KPNB1: variants seen among roughly 807,000 people sequenced by gnomAD.
KPNB1 encodes importin subunit beta-1.
KPNB1 carries 7 observed loss-of-function variants against 113.0 expected under a neutral mutation model. The ratio of observed to expected loss-of-function variants is 0.06; its 90% CI spans 0.04 to 0.12. The LOEUF is 0.12. KPNB1 is among the 10% of genes least tolerant of loss of function. The probability of loss-of-function intolerance (pLI) is 1.00; values close to 1 mark genes in which losing one functional copy is unlikely to be tolerated. For missense variants in KPNB1, 400 were observed against 1,054.8 expected (o/e 0.38, Z 8.60); for synonymous variants, 363 against 378.6 (o/e 0.96, Z 0.48).
chr17:47,676,501 G>A lies in KPNB1; in HGVS notation c.1995+10G>A. ...TTATGCTGAATACCAGGTAGGATGTGCTTTTCAAAATAGTATGTTCCCATT... is the reference window on the plus strand; with the variant it reads ...TTATGCTGAATACCAGGTAGGATGTACTTTTCAAAATAGTATGTTCCCATT... On this transcript the variant is annotated intron_variant, in intron 16 of 21. Coordinates refer to ENST00000290158, the MANE Select transcript of KPNB1 (RefSeq NM_002265.6). 1 of 1,596,422 alleles carries A rather than the reference G, an allele frequency of 6.3e-7. No individual in the cohort carries two copies.
chr17:47,670,650 C>A lies in KPNB1; in HGVS notation c.1417-52C>A. On this transcript the variant is annotated intron_variant, in intron 11 of 21. Coordinates refer to ENST00000290158, the MANE Select transcript of KPNB1 (RefSeq NM_002265.6). The stretch of plus-strand genomic sequence containing the variant: ...GTATCTTAATGAAAAATGAGATAAT[C>A]CTAAGGTGTGGGGTTCTTTCAGGAT... 3.9e-6 allele frequency: 6 copies of A among 1,534,644 alleles called. No homozygotes were observed. In the South Asian group the frequency reaches 7.3e-5, roughly 19 times the overall value.
chr17:47,680,563 A>G lies in KPNB1; in HGVS notation c.2524A>G (p.Met842Val), dbSNP rs752764347. The part of the protein sequence containing the change: ...DVLKLVEARP[M>V]IHELLTEGRR... The stretch of plus-strand genomic sequence containing the variant: ...ACTGAAATTAGTAGAAGCTAGGCCA[A>G]TGATCCATGAATTGTTAACTGAAGG... Residue 842 changes from methionine to valine, a missense_variant, in exon 21 of 22, where the codon ATG (methionine) becomes GTG (valine). Met to Val is a conservative substitution (Grantham distance 21). Coordinates refer to ENST00000290158, the MANE Select transcript of KPNB1 (RefSeq NM_002265.6). The G allele has an allele frequency of 3.1e-6, 5 of 1,614,196 alleles. No homozygotes were observed. Among genetic ancestry groups the G allele is most frequent in the South Asian group, 1.1e-5 (1 of 91,082 alleles).
intron 2 of KPNB1, chr17:47,651,083 G>T: frequency 1.3e-5 from 3 of 226,398 alleles, no homozygotes; most frequent in Non-Finnish European, 2.2e-5. Context: ...GATGAATAGA[G>T]ACCTAATCAC....
At chr17:47,678,261 C>T (rs747593180) in intron 18 of KPNB1, 47 bp from the exon 19 acceptor site, 3 of 1,608,540 alleles carry the variant, frequency 1.9e-6, no homozygotes, top group Non-Finnish European at 1.7e-6. Context: ...AAACATGCAG[C>T]TAAAAGTGAT....
rs1038602389 is a variant in KPNB1, at chr17:47,671,963, C to G, written c.1548-1055C>G. 3 of 151,686 alleles carry G rather than the reference C, an allele frequency of 2.0e-5. 1 individual carries two copies. The South Asian group carries it at 6.2e-4, about 31-fold the overall frequency. 9.4% of individuals were successfully genotyped at this position (151,686 alleles called of 1,614,324 possible). ...AATTTATGTTTTGTATGAGCTATAC[C>G]TAAAGTCATGAGCAAAGTAAACCTT... is the stretch of plus-strand genomic sequence containing the variant. On this transcript the variant is annotated intron_variant, in intron 12 of 21. Coordinates refer to ENST00000290158, the MANE Select transcript of KPNB1 (RefSeq NM_002265.6).
At chr17:47,676,956 A>C in intron 16 of KPNB1, 64 bp from the exon 17 acceptor site, 2 of 1,283,804 alleles carry the variant, frequency 1.6e-6, no homozygotes, top group South Asian at 2.5e-5. Flanking sequence ...GCTAGTTAAA[A>C]ATAATATCTT....
intron 2 of KPNB1, 80 bp downstream of exon 2, chr17:47,650,524 A>G (rs2143072158): frequency 1.6e-6 from 2 of 1,226,774 alleles, no homozygotes; most frequent in South Asian, 1.3e-5. Context: ...CCGGAGGCCC[A>G]GGCCTCGGGA....
At chr17:47,658,871 CT>C (rs2029990856) in intron 5 of KPNB1, among the ~76,000 whole-genome samples, 1 of 152,052 alleles carries the variant, frequency 6.6e-6, no homozygotes, top group South Asian at 2.1e-4. Context: ...TAAAGTGTTT[CT>C]AAGCTTAGGT....
chr17:47,657,931 A>G (rs924329911), intron 4 of KPNB1, among the ~76,000 whole-genome samples: 2 of 152,212 alleles, frequency 1.3e-5, no homozygotes, highest in African/African-American at 2.4e-5. Flanking sequence ...AGGACTGCCA[A>G]TTAAGCCAGG....
At chr17:47,681,683 T>C (rs1225841961) in intron 21 of KPNB1, among the ~76,000 whole-genome samples, 8 of 143,480 alleles carry the variant, frequency 5.6e-5, no homozygotes, top group South Asian at 4.4e-4. Flanking sequence ...GCTGGAATTA[T>C]AGGTTTTTTT....
In KPNB1 at chr17:47,650,750, A is replaced by G. The variant is rs564343779; in HGVS notation, c.99+306A>G. ...GAGAAAGAGGGAGGGAAGGGAAGTTAGGTTGCGCGGCGCTGCGTGTTCAGC... is the reference window on the plus strand; with the variant it reads ...GAGAAAGAGGGAGGGAAGGGAAGTTGGGTTGCGCGGCGCTGCGTGTTCAGC... On this transcript the variant is annotated intron_variant, in intron 2 of 21. Coordinates refer to ENST00000290158, the MANE Select transcript of KPNB1 (RefSeq NM_002265.6). 1.1e-3 allele frequency among the ~76,000 whole-genome samples: 161 copies of G among 151,788 alleles called. 1 individual carries two copies. The highest frequency in any genetic ancestry group is 3.4e-3 in the Middle Eastern group (1 of 294).
At chr17:47,672,022 T>TC (rs1248802952) in intron 12 of KPNB1, among the ~76,000 whole-genome samples, 1 of 152,098 alleles carries the variant, frequency 6.6e-6, no homozygotes, top group Non-Finnish European at 1.5e-5. Flanking sequence ...TCTTCCTTTT[T>TC]TTTTTTTTTG....
intron 9 of KPNB1, among the ~76,000 whole-genome samples, chr17:47,666,418 G>GTGTGTGTA (rs1331702019): frequency 5.3e-4 from 75 of 141,836 alleles, no homozygotes; most frequent in Admixed American, 2.4e-3. Context: ...GTGTGTGTGT[G>GTGTGTGTA]TGTATTTTAT....
At chr17:47,671,818 T>C (rs1419924698) in intron 12 of KPNB1, 1 of 152,138 alleles carries the variant, frequency 6.6e-6, no homozygotes, top group African/African-American at 2.4e-5. Context: ...TGAGCCACCA[T>C]GCCCGGCCAA....
rs748381571 is a variant in KPNB1 at position 47,650,310 on chromosome 17, G to A, written c.40+26G>A. On this transcript the variant is annotated intron_variant, in intron 1 of 21. Coordinates refer to ENST00000290158, the MANE Select transcript of KPNB1 (RefSeq NM_002265.6). ...GTAGGACGCAGGAGCCGGGGGTAGG[G>A]CTGAGGTGATTGGGGTGGGGGAGGG... is the stretch of plus-strand genomic sequence containing the variant. 5 of 1,611,120 alleles carry A rather than the reference G, an allele frequency of 3.1e-6. No homozygotes were observed. The South Asian group carries it at 5.5e-5, about 18-fold the overall frequency.
At position 47,650,036 on chromosome 17, in the gene KPNB1, A is replaced by C; in HGVS notation, c.-209A>C. ...GTCCCTCCCCCGCCGCCAGCAGCCCATTTGGAGGGAGGAAGTAAGGGAAGA... is the reference window on the plus strand; with the variant it reads ...GTCCCTCCCCCGCCGCCAGCAGCCCCTTTGGAGGGAGGAAGTAAGGGAAGA... On this transcript the variant is annotated 5_prime_UTR_variant, in exon 1 of 22. Coordinates refer to ENST00000290158, the MANE Select transcript of KPNB1 (RefSeq NM_002265.6). 3 of 1,341,572 alleles carry C rather than the reference A, an allele frequency of 2.2e-6. No homozygotes were observed. Among genetic ancestry groups the C allele is most frequent in the Non-Finnish European group, 9.5e-7 (1 of 1,051,536 alleles). 83.1% of individuals were successfully genotyped at this position (1,341,572 alleles called of 1,614,324 possible).
intron 9 of KPNB1, among the ~76,000 whole-genome samples, chr17:47,667,482 C>T (rs952225055): frequency 7.3e-5 from 11 of 151,536 alleles, no homozygotes; most frequent in Non-Finnish European, 1.6e-4. Context: ...TCATGAAACT[C>T]CCTTACTTTC....
intron 2 of KPNB1, among the ~76,000 whole-genome samples, chr17:47,652,269 A>AC (rs1218108871): frequency 6.6e-6 from 1 of 152,100 alleles, no homozygotes; most frequent in East Asian, 1.9e-4. Flanking sequence ...TTTATTTTCT[A>AC]CCCCCCATCA....
At position 47,683,890 on chromosome 17, in the gene KPNB1, G is replaced by A. The variant is rs926255874; in HGVS notation, c.*1486G>A. On this transcript the variant is annotated 3_prime_UTR_variant, in exon 22 of 22. Coordinates refer to ENST00000290158, the MANE Select transcript of KPNB1 (RefSeq NM_002265.6). ...TTGAATATTTTTTTAGAAGTGTGAT[G>A]TGGTATGATTACCATAAATCAGACT... The A allele has an allele frequency of 1.3e-5, 2 of 152,322 alleles. No individual in the cohort carries two copies. The highest frequency in any genetic ancestry group is 4.8e-5 in the African/African-American group (2 of 41,430). 9.4% of individuals were successfully genotyped at this position (152,322 alleles called of 1,614,324 possible).
Sources: gnomAD v4.1 joint callset for allele counts (sites outside exome capture counted in the v4.1 genomes callset) on GRCh38, gnomAD v4.1.1 for gene constraint, MANE v1.5 for transcripts, NCBI Gene and HGNC (gene_info 2026-07-23, HGNC 2026-07-21) for gene names.